The following ULK2 variants were observed in gnomAD, a reference collection of about 807,000 sequenced individuals.
The protein encoded by ULK2 is unc-51 like autophagy activating kinase 2, also known as serine/threonine-protein kinase ULK2.
ULK2 carries 76 observed loss-of-function variants against 127.5 expected under a neutral mutation model. The ratio of observed to expected loss-of-function variants is 0.60; its 90% CI spans 0.50 to 0.72. The LOEUF is 0.72. Ranked by LOEUF, ULK2 falls within the 30% of genes least tolerant of loss-of-function variation. The probability of loss-of-function intolerance (pLI) is 0.00; values close to 1 mark genes in which losing one functional copy is unlikely to be tolerated. For missense variants in ULK2, 1,144 were observed against 1,295.9 expected (o/e 0.88, Z 1.80); for synonymous variants, 452 against 461.9 (o/e 0.98, Z 0.28).
chr17:19,825,403 C>T (rs1283479995), intron 11 of ULK2, among the ~76,000 whole-genome samples: 2 of 152,170 alleles, frequency 1.3e-5, no homozygotes, highest in African/African-American at 4.8e-5. Flanking sequence ...TAAATAAACA[C>T]AACCGTAGGT....
intron 14 of ULK2, among the ~76,000 whole-genome samples, chr17:19,805,840 C>T (rs1177430128): frequency 2.6e-5 from 4 of 152,150 alleles, no homozygotes; most frequent in African/African-American, 4.8e-5. Context: ...AACTGTTTAT[C>T]GTGACTTTTC....
intron 5 of ULK2, among the ~76,000 whole-genome samples, 187 bp from the exon 6 acceptor site, chr17:19,847,097 T>C (rs1351405275): frequency 1.3e-5 from 2 of 152,334 alleles, no homozygotes; most frequent in African/African-American, 2.4e-5. Flanking sequence ...TCAAAACCTG[T>C]AGTCAATCTG....
At chr17:19,834,367 C>A (rs1050746056) in intron 10 of ULK2, among the ~76,000 whole-genome samples, 1 of 151,636 alleles carries the variant, frequency 6.6e-6, no homozygotes, top group Non-Finnish European at 1.5e-5. Flanking sequence ...TTTCTCTTAG[C>A]CGATTTAAAG....
Position 19,815,560 on chromosome 17 carries a change from C to T in ULK2, c.1096+1189G>A, listed in dbSNP as rs145230607. ...CCTCCCAAAGTGGTGGGATTACAGGCGTAAGCCACTGCGCCCAGCAACTTA... is the reference window on the plus strand; with the variant it reads ...CCTCCCAAAGTGGTGGGATTACAGGTGTAAGCCACTGCGCCCAGCAACTTA... On this transcript the variant is annotated intron_variant, in intron 13 of 26. Transcript: ENST00000395544. 4.8e-3 allele frequency among the ~76,000 whole-genome samples: 727 copies of T among 152,268 alleles called. 23 individuals carry two copies. The East Asian group carries it at 0.088, about 18-fold the overall frequency.
chr17:19,850,235 A>G (rs1225929202), intron 3 of ULK2, among the ~76,000 whole-genome samples: 1 of 152,152 alleles, frequency 6.6e-6, no homozygotes, highest in Non-Finnish European at 1.5e-5. Context: ...ATGACTCAGG[A>G]CGCCTGGTTT....
At chr17:19,866,849 G>A (rs1431444237) in intron 1 of ULK2, among the ~76,000 whole-genome samples, 1 of 152,150 alleles carries the variant, frequency 6.6e-6, no homozygotes, top group Non-Finnish European at 1.5e-5. Flanking sequence ...GGGTGCAGGG[G>A]ACCAGTGCTG....
rs2086731344 is a variant in ULK2, at chr17:19,771,040, G to C, written c.*5309C>G. 1 of 152,152 alleles carries C rather than the reference G, an allele frequency of 6.6e-6. No homozygotes were observed. Among genetic ancestry groups the C allele is most frequent in the Non-Finnish European group, 1.5e-5 (1 of 68,066 alleles). 9.4% of individuals were successfully genotyped at this position (152,152 alleles called of 1,614,324 possible). On this transcript the variant is annotated 3_prime_UTR_variant, in exon 27 of 27. Transcript: ENST00000395544. Reference sequence around the variant, plus strand: ...GCAGGAGACATTGGAGCACCAAATGGAAAAGCTCTTCCTTCCTTCCCCTCT... The same window carrying C: ...GCAGGAGACATTGGAGCACCAAATGCAAAAGCTCTTCCTTCCTTCCCCTCT...
chr17:19,808,368 T>G (rs368556476), intron 14 of ULK2, among the ~76,000 whole-genome samples: 9 of 151,968 alleles, frequency 5.9e-5, no homozygotes, highest in East Asian at 5.8e-4. Flanking sequence ...GACATAAGAG[T>G]AGGCAATGAT....
intron 22 of ULK2, 82 bp from the exon 23 acceptor site, chr17:19,782,149 T>C: frequency 7.4e-7 from 1 of 1,343,644 alleles, no homozygotes; most frequent in East Asian, 2.5e-5. Context: ...CCATGGCCGC[T>C]GATCATGTTT....
At chr17:19,804,392 A>G (rs1291601100) in intron 15 of ULK2, among the ~76,000 whole-genome samples, 1 of 152,092 alleles carries the variant, frequency 6.6e-6, no homozygotes, top group African/African-American at 2.4e-5. Context: ...TCATTTTTTA[A>G]TAAGTTCTTC....
Position 19,834,738 on chromosome 17 carries a change from C to A in ULK2, c.787+3763G>T, listed in dbSNP as rs74991232. On this transcript the variant is annotated intron_variant, in intron 10 of 26. Coordinates refer to ENST00000395544, the MANE Select transcript of ULK2 (RefSeq NM_014683.4). ...ACCAGCCTGGGCAACATGGCAAAAACCTCTCTACAAAAAATTTAAAAATTA... is the reference window on the plus strand; with the variant it reads ...ACCAGCCTGGGCAACATGGCAAAAAACTCTCTACAAAAAATTTAAAAATTA... 4.2e-3 allele frequency among the ~76,000 whole-genome samples: 638 copies of A among 152,012 alleles called. 6 individuals are homozygous for A. Among genetic ancestry groups the A allele is most frequent in the African/African-American group, 0.015 (614 of 41,460 alleles).
At chr17:19,849,711 TA>T (rs768194232) in intron 4 of ULK2, 30 bp downstream of exon 4, 3 of 1,360,024 alleles carry the variant, frequency 2.2e-6, no homozygotes, top group Non-Finnish European at 3.0e-6. Flanking sequence ...AAATTTGAAA[TA>T]AATTAAACAG....
intron 18 of ULK2, 66 bp from the exon 19 acceptor site, chr17:19,796,348 T>G: frequency 7.2e-7 from 1 of 1,395,450 alleles, no homozygotes; most frequent in Non-Finnish European, 9.4e-7. Context: ...TATTCAGTAC[T>G]GGCAGGTTTG....
intron 22 of ULK2, 141 bp from the exon 23 acceptor site, chr17:19,782,208 A>G (rs1055974601): frequency 1.0e-6 from 1 of 959,152 alleles, no homozygotes; most frequent in African/African-American, 1.7e-5. Context: ...AAATTTTTAA[A>G]TTTCAGAAAG....
chr17:19,857,578 C>A (rs932808605), intron 3 of ULK2, among the ~76,000 whole-genome samples: 2 of 152,164 alleles, frequency 1.3e-5, no homozygotes, highest in African/African-American at 4.8e-5. Context: ...AATTAATCAT[C>A]TTTTTCTTGC....
intron 9 of ULK2, chr17:19,840,485 A>G (rs1438738433): frequency 2.2e-6 from 1 of 462,028 alleles, no homozygotes; most frequent in Non-Finnish European, 4.2e-6. Flanking sequence ...GGGAAGGAAA[A>G]TTGGATCAAA....
At chr17:19,841,381 T>C (rs2041751306) in intron 9 of ULK2, 108 bp downstream of exon 9, 1 of 1,123,872 alleles carries the variant, frequency 8.9e-7, no homozygotes, top group Non-Finnish European at 1.3e-6. Flanking sequence ...GCTTTCACAT[T>C]ATCAACTGAA....
At chr17:19,806,273 T>G (rs981102832) in intron 14 of ULK2, among the ~76,000 whole-genome samples, 1 of 142,280 alleles carries the variant, frequency 7.0e-6, no homozygotes, top group African/African-American at 2.5e-5. Flanking sequence ...ATTTAGTAAG[T>G]AAACAGAGTT....
intron 3 of ULK2, chr17:19,856,266 T>C (rs1052839855): frequency 9.2e-5 from 14 of 152,210 alleles, no homozygotes; most frequent in African/African-American, 2.7e-4. Context: ...TGTAGCAGTA[T>C]ATGGCATGCT....
Sources: allele counts gnomAD v4.1 joint callset (sites outside exome capture counted in the v4.1 genomes callset), GRCh38; gene constraint gnomAD v4.1.1; transcripts MANE v1.5; gene names NCBI Gene and HGNC (gene_info 2026-07-23, HGNC 2026-07-21).